The following SLCO3A1 variants were observed in gnomAD, a reference collection of about 807,000 sequenced individuals.
SLCO3A1 encodes the protein solute carrier organic anion transporter family member 3A1.
Under a neutral mutation model 63.1 loss-of-function variants are expected in SLCO3A1, and 27 were observed. The observed-to-expected ratio is 0.43, with a 90% CI of 0.32 to 0.59. The LOEUF (loss-of-function observed/expected upper bound fraction) is 0.59, where lower values mean the gene tolerates loss of function less well. SLCO3A1 is among the 20% of genes least tolerant of loss of function. The probability of loss-of-function intolerance (pLI) is 0.09; values close to 1 mark genes in which losing one functional copy is unlikely to be tolerated. For missense variants in SLCO3A1, 773 were observed against 945.8 expected (o/e 0.82, Z 2.40); for synonymous variants, 473 against 409.9 (o/e 1.15, Z -1.86).
intron 2 of SLCO3A1, among the ~76,000 whole-genome samples, chr15:91,974,265 G>GTTGTTGTTGTTGTTA (rs147991710): frequency 7.7e-5 from 11 of 142,956 alleles, no homozygotes; most frequent in Non-Finnish European, 7.6e-5. Flanking sequence ...TTTCATTATT[G>GTTGTTGTTGTTGTTA]TTATTATTAT....
In SLCO3A1 at chr15:92,017,572, G is replaced by A. The variant is rs566311101; in HGVS notation, c.647-77309G>A. 1.1e-4 allele frequency among the ~76,000 whole-genome samples: 17 copies of A among 152,232 alleles called. No individual in the cohort carries two copies. In the South Asian group the frequency reaches 3.3e-3, roughly 30 times the overall value. ...TAGGGGAACAGAGGACTGGAGCAGGGTTGCTGACACAAAATAGCCACTGCT... is the reference window on the plus strand; with the variant it reads ...TAGGGGAACAGAGGACTGGAGCAGGATTGCTGACACAAAATAGCCACTGCT... On this transcript the variant is annotated intron_variant, in intron 2 of 9. Coordinates refer to ENST00000318445, the MANE Select transcript of SLCO3A1 (RefSeq NM_013272.4).
At chr15:92,061,208 C>G (rs1017046578) in intron 2 of SLCO3A1, among the ~76,000 whole-genome samples, 1 of 152,206 alleles carries the variant, frequency 6.6e-6, no homozygotes, top group Non-Finnish European at 1.5e-5. Flanking sequence ...GATCCTTGTT[C>G]TTCTGGGTTT....
intron 2 of SLCO3A1, among the ~76,000 whole-genome samples, chr15:91,971,423 T>A (rs1900866297): frequency 9.5e-6 from 1 of 104,730 alleles, no homozygotes; most frequent in Admixed American, 1.1e-4. Flanking sequence ...AACCTCTTCC[T>A]TCTTGTTTCA....
intron 2 of SLCO3A1, among the ~76,000 whole-genome samples, chr15:92,086,088 G>A (rs1020439172): frequency 6.6e-6 from 1 of 152,210 alleles, no homozygotes; most frequent in Non-Finnish European, 1.5e-5. Context: ...GCTGGTGTGC[G>A]CATTCTTGGA....
chr15:92,135,056 G>C (rs2048039950), intron 7 of SLCO3A1, among the ~76,000 whole-genome samples: 5 of 152,354 alleles, frequency 3.3e-5, no homozygotes, highest in African/African-American at 1.2e-4. Context: ...AGGGTAGTGG[G>C]TGTTTGGTAG....
intron 2 of SLCO3A1, among the ~76,000 whole-genome samples, chr15:92,031,083 A>G (rs1236859929): frequency 1.3e-5 from 2 of 152,142 alleles, no homozygotes; most frequent in African/African-American, 4.8e-5. Context: ...AATGTCTGCT[A>G]TGCTTTTAAA....
intron 1 of SLCO3A1, among the ~76,000 whole-genome samples, chr15:91,874,112 ATAAAGTT>A (rs1897342502): frequency 6.6e-6 from 1 of 152,200 alleles, no homozygotes. Flanking sequence ...TATACCTATG[ATAAAGTT>A]TAATTTATAA....
intron 2 of SLCO3A1, among the ~76,000 whole-genome samples, chr15:92,007,342 G>A (rs1192625802): frequency 6.6e-6 from 1 of 152,218 alleles, no homozygotes; most frequent in Non-Finnish European, 1.5e-5. Context: ...CTGAGCTTGA[G>A]TTGAAGGGAC....
At chr15:92,044,187 T>C (rs1473851131) in intron 2 of SLCO3A1, among the ~76,000 whole-genome samples, 4 of 152,108 alleles carry the variant, frequency 2.6e-5, no homozygotes, top group African/African-American at 4.8e-5. Flanking sequence ...TCTTGGCTTC[T>C]GGGAAGGAGG....
Position 91,854,052 on chromosome 15 carries a change from C to A in SLCO3A1, c.144C>A (p.Ala48=). ...AGATCTTCCTGGTGTCCGAGTGCGC[C>A]CTGATGCTGGCGCAGGGCACGGTGG... ...NIKIFLVSEC[A]LMLAQGTVGA... is the part of the protein sequence containing the mutation. Residue 48 remains alanine (A), a synonymous_variant, in exon 1 of 10, where the codon GCC becomes GCA. Coordinates refer to ENST00000318445, the MANE Select transcript of SLCO3A1 (RefSeq NM_013272.4). This position sits in a 1 kb window ranked among gnomAD's most constrained non-coding sequence, Gnocchi z 6.4. 1 of 1,537,732 alleles carries A rather than the reference C, an allele frequency of 6.5e-7. No homozygotes were observed.
chr15:92,031,210 A>G (rs2046644508), intron 2 of SLCO3A1, among the ~76,000 whole-genome samples: 1 of 152,194 alleles, frequency 6.6e-6, no homozygotes, highest in South Asian at 2.1e-4. Flanking sequence ...TAGAGCTATG[A>G]ATGAGAAAAA....
chr15:91,895,220 C>A (rs763065388), intron 1 of SLCO3A1, among the ~76,000 whole-genome samples: 2 of 152,192 alleles, frequency 1.3e-5, no homozygotes, highest in African/African-American at 2.4e-5. Context: ...GCTAGTAACA[C>A]AGTGCACTTT....
intron 8 of SLCO3A1, chr15:92,149,920 A>G (rs1347774020): frequency 2.6e-5 from 4 of 152,146 alleles, no homozygotes; most frequent in Admixed American, 1.3e-4. Context: ...CAAAAACCGG[A>G]GACATGGAGC....
intron 1 of SLCO3A1, among the ~76,000 whole-genome samples, chr15:91,911,783 CG>C (rs1375029819): frequency 3.9e-5 from 6 of 152,090 alleles, no homozygotes; most frequent in Non-Finnish European, 8.8e-5. Flanking sequence ...TGTGCCACCA[CG>C]TCCAGCTAAT....
intron 4 of SLCO3A1, among the ~76,000 whole-genome samples, chr15:92,112,658 G>A (rs2047743150): frequency 6.6e-6 from 1 of 152,232 alleles, no homozygotes; most frequent in South Asian, 2.1e-4. Context: ...TCCTGCATTT[G>A]TACAGGCAGG....
At chr15:91,911,658 G>A (rs1898489963) in intron 1 of SLCO3A1, among the ~76,000 whole-genome samples, 1 of 151,594 alleles carries the variant, frequency 6.6e-6, no homozygotes, top group East Asian at 1.9e-4. Flanking sequence ...ACGGAGTCTT[G>A]CTTTGTCACC....
rs1359290690 is a variant in SLCO3A1 at position 92,148,611 on chromosome 15, C to CTA, written c.1688+1454_1688+1455dup. The CTA allele has an allele frequency of 4.6e-5, 7 of 152,168 alleles. No homozygotes were observed. The East Asian group carries it at 1.3e-3, about 29-fold the overall frequency. The allele number at this position is 152,168 out of a possible 1,614,324, so 9.4% of individuals were successfully genotyped here. ...AAATTGCTGGTGGCATGGGAAAAGGCTATCACTCCTTTCAAAAAAGCAATA... is the reference window on the plus strand; with the variant it reads ...AAATTGCTGGTGGCATGGGAAAAGGCTATATCACTCCTTTCAAAAAAGCAATA... On this transcript the variant is annotated intron_variant, in intron 8 of 9. Transcript: ENST00000318445.
intron 2 of SLCO3A1, among the ~76,000 whole-genome samples, chr15:91,959,723 C>CAAAAAA (rs34759500): frequency 2.8e-4 from 20 of 71,890 alleles, no homozygotes; most frequent in Non-Finnish European, 4.0e-4. Flanking sequence ...GACTCCATCT[C>CAAAAAA]AAAAAAAAAA....
At chr15:92,132,227 C>G (rs556998629) in intron 7 of SLCO3A1, among the ~76,000 whole-genome samples, 3 of 146,208 alleles carry the variant, frequency 2.1e-5, no homozygotes, top group Non-Finnish European at 4.6e-5. Flanking sequence ...TTCCCCATAA[C>G]TCAATTAGAT....
Sources: gnomAD v4.1 joint callset for allele counts (sites outside exome capture counted in the v4.1 genomes callset) on GRCh38, gnomAD v4.1.1 for gene constraint, Gnocchi (gnomAD v3.1) non-coding constraint, MANE v1.5 for transcripts, NCBI Gene and HGNC (gene_info 2026-07-23, HGNC 2026-07-21) for gene names.